CSMD3: variants seen among roughly 807,000 people sequenced by gnomAD.
The protein encoded by CSMD3 is CUB and Sushi multiple domains 3.
Under a neutral mutation model 435.2 loss-of-function variants are expected in CSMD3, and 177 were observed. The observed-to-expected ratio is 0.41, with a 90% CI of 0.36 to 0.46. The LOEUF (loss-of-function observed/expected upper bound fraction) is 0.46. Among genes scored for constraint, CSMD3 ranks in the 20% least tolerant of loss-of-function variants. The pLI, the probability that CSMD3 is intolerant of heterozygous loss-of-function variation, is 0.34. For missense variants in CSMD3, 4,265 were observed against 4,504.6 expected, an observed-to-expected ratio of 0.95 and a Z score of 1.52; for synonymous variants, 1,656 against 1,520.5, an observed-to-expected ratio of 1.09 and a Z score of -2.07.
intron 3 of CSMD3, among the ~76,000 whole-genome samples, chr8:113,195,791 TTATATA>T (rs749886578): frequency 3.3e-4 from 41 of 126,020 alleles, no homozygotes; most frequent in African/African-American, 9.6e-4. Flanking sequence ...ATCCTATATT[TTATATA>T]TATATATATA....
At chr8:112,931,739 ACAACT>A (rs1315562337) in intron 9 of CSMD3, among the ~76,000 whole-genome samples, 1 of 152,194 alleles carries the variant, frequency 6.6e-6, no homozygotes, top group Non-Finnish European at 1.5e-5. Context: ...AGGAAATCAA[ACAACT>A]CAATAGCAAT....
intron 54 of CSMD3, 82 bp downstream of exon 54, chr8:112,295,751 A>G: frequency 1.8e-6 from 2 of 1,128,476 alleles, no homozygotes; most frequent in African/African-American, 1.5e-5. Context: ...ACAACATAAT[A>G]TATATATTCA....
At chr8:112,958,482 T>C (rs2084113294) in intron 7 of CSMD3, among the ~76,000 whole-genome samples, 2 of 152,284 alleles carry the variant, frequency 1.3e-5, no homozygotes, top group South Asian at 4.1e-4. Flanking sequence ...TTTTGTAACT[T>C]GTATTAGAGT....
chr8:113,114,729 T>C (rs1337714322), intron 4 of CSMD3, among the ~76,000 whole-genome samples: 5 of 152,192 alleles, frequency 3.3e-5, no homozygotes, highest in African/African-American at 4.8e-5. Context: ...GGGTTGGAGA[T>C]GAATTATAGG....
intron 10 of CSMD3, among the ~76,000 whole-genome samples, chr8:112,878,948 T>G (rs1292403340): frequency 3.3e-5 from 5 of 152,272 alleles, no homozygotes; most frequent in African/African-American, 1.2e-4. Flanking sequence ...GTATGTCACC[T>G]CAGGACCCTG....
chr8:112,828,104 C>G lies in CSMD3; in HGVS notation c.1859+1582G>C, dbSNP rs569731087. On this transcript the variant is annotated intron_variant, in intron 12 of 70. Transcript: ENST00000297405. The stretch of plus-strand genomic sequence containing the variant: ...ATGCAATTTTATATTATAATGAAAT[C>G]TAAGCTATCAGGTATAAAACTACAA... 4.5e-4 allele frequency among the ~76,000 whole-genome samples: 69 copies of G among 152,152 alleles called. 2 individuals carry two copies. In the South Asian group the frequency reaches 0.014, roughly 31 times the overall value.
intron 1 of CSMD3, 120 bp downstream of exon 1, chr8:113,436,556 TC>T (rs1445869861): frequency 2.2e-6 from 2 of 925,870 alleles, no homozygotes; most frequent in African/African-American, 3.8e-5. Context: ...GTGAATCAAC[TC>T]CTTTAGTATT....
chr8:112,580,291 C>T (rs1368585306), intron 23 of CSMD3, among the ~76,000 whole-genome samples: 4 of 151,796 alleles, frequency 2.6e-5, no homozygotes, highest in Non-Finnish European at 5.9e-5. Context: ...CTGCAATATC[C>T]TATGCCACTT....
intron 1 of CSMD3, among the ~76,000 whole-genome samples, chr8:113,332,015 T>C (rs1455800753): frequency 1.3e-5 from 2 of 151,764 alleles, no homozygotes; most frequent in Non-Finnish European, 3.0e-5. Context: ...GGATCTTATA[T>C]AGACATACCT....
intron 10 of CSMD3, among the ~76,000 whole-genome samples, chr8:112,899,079 A>G (rs1398608817): frequency 3.3e-5 from 5 of 151,262 alleles, no homozygotes; most frequent in Non-Finnish European, 7.4e-5. Context: ...CACAACTCGG[A>G]CATGTACACC....
intron 1 of CSMD3, chr8:113,376,990 C>T (rs1437238368): frequency 3.1e-6 from 3 of 957,342 alleles, no homozygotes; most frequent in Non-Finnish European, 4.3e-6. Context: ...CATGACCAGC[C>T]GGGCCCGCAG....
intron 6 of CSMD3, among the ~76,000 whole-genome samples, chr8:112,999,236 A>G (rs2131060445): frequency 6.6e-6 from 1 of 152,146 alleles, no homozygotes; most frequent in East Asian, 1.9e-4. Context: ...ACATCAGAAA[A>G]CAGATGCAAT....
intron 31 of CSMD3, among the ~76,000 whole-genome samples, chr8:112,488,354 G>A (rs1028950638): frequency 6.6e-6 from 1 of 152,150 alleles, no homozygotes; most frequent in Non-Finnish European, 1.5e-5. Context: ...ATGACTGCAT[G>A]GAGCTTATGC....
At chr8:113,410,126 A>G (rs2094551427) in intron 1 of CSMD3, among the ~76,000 whole-genome samples, 1 of 152,170 alleles carries the variant, frequency 6.6e-6, no homozygotes, top group Admixed American at 6.5e-5. Flanking sequence ...ACAGATATAA[A>G]CACTCATACT....
intron 38 of CSMD3, among the ~76,000 whole-genome samples, chr8:112,373,831 G>A (rs1180575621): frequency 1.3e-5 from 2 of 152,114 alleles, no homozygotes; most frequent in Non-Finnish European, 2.9e-5. Flanking sequence ...CACTGTATTC[G>A]CTGGAGTTTC....
At chr8:112,927,054 A>G (rs946316624) in intron 9 of CSMD3, among the ~76,000 whole-genome samples, 1 of 152,190 alleles carries the variant, frequency 6.6e-6, no homozygotes, top group Non-Finnish European at 1.5e-5. Flanking sequence ...CTAAACGTCA[A>G]GAAAATAACT....
At chr8:112,963,135 T>C (rs960673611) in intron 7 of CSMD3, among the ~76,000 whole-genome samples, 3 of 152,038 alleles carry the variant, frequency 2.0e-5, no homozygotes, top group Admixed American at 6.6e-5. Context: ...ATTGCAATTA[T>C]TGGAGTTTGC....
chr8:112,795,689 T>C (rs2078811990), intron 13 of CSMD3, among the ~76,000 whole-genome samples: 1 of 152,132 alleles, frequency 6.6e-6, no homozygotes, highest in Non-Finnish European at 1.5e-5. Context: ...AAAATAACAT[T>C]GGTGTATACC....
At chr8:112,451,665 A>G (rs1409857422) in intron 32 of CSMD3, among the ~76,000 whole-genome samples, 2 of 151,960 alleles carry the variant, frequency 1.3e-5, no homozygotes, top group East Asian at 1.9e-4. Flanking sequence ...CAGCCTCCCA[A>G]GTACCTGGGA....
Sources: gnomAD v4.1 joint callset for allele counts (sites outside exome capture counted in the v4.1 genomes callset) on GRCh38, gnomAD v4.1.1 for gene constraint, MANE v1.5 for transcripts, NCBI Gene and HGNC (gene_info 2026-07-23, HGNC 2026-07-21) for gene names.